Variants in DOCK1 observed in about 807,000 individuals in gnomAD.
DOCK1 encodes dedicator of cytokinesis 1, also known as dedicator of cytokinesis protein 1.
In DOCK1, 138 loss-of-function variants were observed where a neutral mutation model predicts 262.7. The observed-to-expected ratio is 0.53, with a 90% confidence interval of 0.46 to 0.61. The LOEUF is 0.61. Ranked by LOEUF, DOCK1 falls within the 20% of genes least tolerant of loss-of-function variation. The pLI is 0.00. For synonymous variants in DOCK1, 866 were observed against 867.4 expected (o/e 1.00, Z 0.03); for missense variants, 1,908 against 2,370.7 (o/e 0.80, Z 4.05).
chr10:127,181,956 G>A lies in DOCK1; in HGVS notation c.2847+54192G>A, dbSNP rs1589815335. Among the ~76,000 whole-genome samples the A allele has an allele frequency of 2.0e-5, 3 of 152,256 alleles. No homozygotes were observed. The East Asian group carries it at 5.8e-4, about 29-fold the overall frequency. ...TTTAATTTTCTTTATATAGTGAAATGTTATTTTTTCCCTACATTTGTTGTT... is the reference window on the plus strand; with the variant it reads ...TTTAATTTTCTTTATATAGTGAAATATTATTTTTTCCCTACATTTGTTGTT... On this transcript the variant is annotated intron_variant, in intron 27 of 51. Coordinates refer to ENST00000623213, the MANE Select transcript of DOCK1 (RefSeq NM_001290223.2).
intron 27 of DOCK1, among the ~76,000 whole-genome samples, chr10:127,235,058 A>C (rs1307613699): frequency 6.7e-6 from 1 of 149,122 alleles, no homozygotes; most frequent in Non-Finnish European, 1.5e-5. Flanking sequence ...AAATCTATAT[A>C]AAGTATACTT....
intron 33 of DOCK1, among the ~76,000 whole-genome samples, chr10:127,365,376 T>C (rs2064848872): frequency 6.6e-6 from 1 of 152,242 alleles, no homozygotes; most frequent in South Asian, 2.1e-4. Flanking sequence ...CCCATCTCCA[T>C]TGCTGCTGGC....
At chr10:127,023,127 C>A in intron 13 of DOCK1, 73 bp from the exon 14 acceptor site, 2 of 1,522,536 alleles carry the variant, frequency 1.3e-6, no homozygotes, top group South Asian at 1.2e-5. Context: ...GATAGGTAGA[C>A]AGTCTTGCAA....
In DOCK1 at chr10:127,384,429, C is replaced by T. The variant is rs543870406; in HGVS notation, c.3808-361C>T. On this transcript the variant is annotated intron_variant, in intron 37 of 51. Transcript: ENST00000623213. ...TGCTGTTGATTAAAATGCCAACCCA[C>T]GCAGCACTGAGACCAGAGCCCTGGG... Among the ~76,000 whole-genome samples, 29 of 152,330 alleles carry T rather than the reference C, an allele frequency of 1.9e-4. No individual in the cohort carries two copies. The South Asian group carries it at 3.3e-3, about 17-fold the overall frequency.
chr10:127,316,170 A>T (rs1294469796), intron 29 of DOCK1, among the ~76,000 whole-genome samples: 1 of 152,210 alleles, frequency 6.6e-6, no homozygotes, highest in Non-Finnish European at 1.5e-5. Context: ...TTGTGGTCAG[A>T]GCACCTAAAA....
intron 1 of DOCK1, among the ~76,000 whole-genome samples, chr10:126,948,512 C>T (rs960317776): frequency 2.0e-5 from 3 of 151,710 alleles, no homozygotes; most frequent in South Asian, 2.1e-4. Flanking sequence ...ACTGTCCAGC[C>T]GGGCCTTTTG....
At chr10:127,147,833 A>G (rs2052043285) in intron 27 of DOCK1, among the ~76,000 whole-genome samples, 1 of 151,626 alleles carries the variant, frequency 6.6e-6, no homozygotes, top group East Asian at 1.9e-4. Flanking sequence ...GAGTTTGAGA[A>G]CAGCCTGGCC....
chr10:126,966,848 G>A (rs1300791769), intron 1 of DOCK1, among the ~76,000 whole-genome samples: 1 of 152,212 alleles, frequency 6.6e-6, no homozygotes, highest in East Asian at 1.9e-4. Flanking sequence ...TTGGCGCTTG[G>A]TTTATCTCTG....
At chr10:127,339,510 G>C (rs942466895) in intron 30 of DOCK1, among the ~76,000 whole-genome samples, 1 of 152,158 alleles carries the variant, frequency 6.6e-6, no homozygotes, top group East Asian at 1.9e-4. Flanking sequence ...TCTCGGCCTT[G>C]TGCTACTAGC....
intron 1 of DOCK1, among the ~76,000 whole-genome samples, chr10:126,942,505 G>A (rs1040961116): frequency 1.5e-3 from 234 of 152,184 alleles, no homozygotes; most frequent in Non-Finnish European, 1.6e-3. Context: ...AGAATAAATC[G>A]TGAAGACCTA....
intron 38 of DOCK1, among the ~76,000 whole-genome samples, chr10:127,391,813 A>AG (rs1361716911): frequency 6.6e-6 from 1 of 151,978 alleles, no homozygotes; most frequent in East Asian, 1.9e-4. Context: ...CTCCTCCCCA[A>AG]GGCCCCATGC....
chr10:127,176,810 A>G lies in DOCK1; in HGVS notation c.2847+49046A>G, dbSNP rs777325618. On this transcript the variant is annotated intron_variant, in intron 27 of 51. Transcript: ENST00000623213. The surrounding 1 kb of genome is among the most constrained non-coding windows in gnomAD (Gnocchi z 4.4). ...TACTTATTTGGTTTGCGTTTTGACT[A>G]TTTTTTGAGGATGACGTCATTAATC... The G allele has an allele frequency of 4.4e-4, 71 of 160,686 alleles. No individual in the cohort carries two copies. The highest frequency in any genetic ancestry group is 1.9e-4 in the Admixed American group (3 of 16,102). The allele number at this position is 160,686 out of a possible 1,614,324, so 10.0% of individuals were successfully genotyped here.
At chr10:127,319,958 T>C (rs1382411999) in intron 29 of DOCK1, among the ~76,000 whole-genome samples, 2 of 152,144 alleles carry the variant, frequency 1.3e-5, no homozygotes, top group Non-Finnish European at 2.9e-5. Flanking sequence ...GCATTTCATC[T>C]TAAAGCAACC....
At chr10:127,419,847 C>T (rs2068393629) in intron 46 of DOCK1, 98 bp downstream of exon 46, 3 of 1,287,820 alleles carry the variant, frequency 2.3e-6, no homozygotes, top group South Asian at 1.3e-5. Flanking sequence ...GGTCCCTGGG[C>T]TGCAGTCCTG....
intron 23 of DOCK1, among the ~76,000 whole-genome samples, chr10:127,085,999 T>TG (rs745954775): frequency 1.2e-4 from 19 of 152,210 alleles, no homozygotes; most frequent in Non-Finnish European, 2.2e-4. Flanking sequence ...TATTCATACT[T>TG]GCTTTCATTC....
chr10:126,985,035 C>T (rs555164989), intron 4 of DOCK1, among the ~76,000 whole-genome samples: 5 of 139,488 alleles, frequency 3.6e-5, no homozygotes, highest in Admixed American at 1.6e-4. Flanking sequence ...GGCTGGAGTG[C>T]AGTAGCATGA....
intron 29 of DOCK1, among the ~76,000 whole-genome samples, chr10:127,297,704 T>C (rs891092296): frequency 1.3e-4 from 20 of 152,194 alleles, no homozygotes; most frequent in Admixed American, 1.3e-4. Context: ...TTTAGCACCT[T>C]AGAATATTGA....
chr10:127,270,887 T>C (rs967611872), intron 29 of DOCK1, among the ~76,000 whole-genome samples: 1 of 152,200 alleles, frequency 6.6e-6, no homozygotes, highest in Non-Finnish European at 1.5e-5. Flanking sequence ...CTTTCCTTAA[T>C]ATCTGATTAG....
At chr10:127,071,726 A>G (rs992325729) in intron 23 of DOCK1, among the ~76,000 whole-genome samples, 1 of 152,112 alleles carries the variant, frequency 6.6e-6, no homozygotes, top group African/African-American at 2.4e-5. Flanking sequence ...CCTCAAATTA[A>G]TTTTTCTATT....
Sources: allele counts gnomAD v4.1 joint callset (sites outside exome capture counted in the v4.1 genomes callset), GRCh38; gene constraint gnomAD v4.1.1; non-coding constraint Gnocchi (gnomAD v3.1); transcripts MANE v1.5; gene names NCBI Gene and HGNC (gene_info 2026-07-23, HGNC 2026-07-21).